Variants in HROB observed in about 807,000 individuals in gnomAD.
The protein encoded by HROB is homologous recombination OB-fold protein.
A neutral mutation model predicts 61.0 loss-of-function variants in HROB; 44 were observed. The ratio of observed to expected loss-of-function variants is 0.72; its 90% CI spans 0.57 to 0.93. The LOEUF (loss-of-function observed/expected upper bound fraction) is 0.93. Among genes scored for constraint, HROB ranks in the 40% least tolerant of loss-of-function variants. The probability of loss-of-function intolerance (pLI) is 0.00; values close to 1 mark genes in which losing one functional copy is unlikely to be tolerated. For missense variants in HROB, 716 were observed against 796.2 expected (o/e 0.90, Z 1.21); for synonymous variants, 301 against 310.4 (o/e 0.97, Z 0.32).
intron 8 of HROB, among the ~76,000 whole-genome samples, chr17:44,157,088 G>A (rs1488976464): frequency 1.3e-5 from 2 of 152,032 alleles, no homozygotes; most frequent in African/African-American, 4.8e-5. Flanking sequence ...ATCAGCCACC[G>A]TGCCTGGCCT....
At chr17:44,143,489 A>G (rs1276704598) in intron 1 of HROB, among the ~76,000 whole-genome samples, 2 of 151,746 alleles carry the variant, frequency 1.3e-5, no homozygotes, top group Non-Finnish European at 2.9e-5. Context: ...TAAAAATACA[A>G]AAAAAAATAG....
At chr17:44,142,732 T>C (rs1429921202) in intron 1 of HROB, among the ~76,000 whole-genome samples, 1 of 152,088 alleles carries the variant, frequency 6.6e-6, no homozygotes, top group African/African-American at 2.4e-5. Flanking sequence ...GACTGGGGCA[T>C]CCTACTCTCC....
At chr17:44,156,548 A>G (rs2053974325) in intron 8 of HROB, among the ~76,000 whole-genome samples, 1 of 152,104 alleles carries the variant, frequency 6.6e-6, no homozygotes, top group South Asian at 2.1e-4. Flanking sequence ...ATTTCAAATT[A>G]TCTATACTTA....
At chr17:44,151,799 T>A (rs1404674497) in intron 4 of HROB, among the ~76,000 whole-genome samples, 1 of 151,962 alleles carries the variant, frequency 6.6e-6, no homozygotes, top group Non-Finnish European at 1.5e-5. Flanking sequence ...AGTCAGGAGC[T>A]GATTTTATTT....
chr17:44,142,190 C>G, intron 1 of HROB, 45 bp downstream of exon 1: 2 of 1,490,134 alleles, frequency 1.3e-6, no homozygotes, highest in South Asian at 1.3e-5. Context: ...GCAGGGCCCC[C>G]TGGCCTCCGG....
intron 1 of HROB, among the ~76,000 whole-genome samples, chr17:44,142,961 G>A (rs2053499566): frequency 1.3e-5 from 2 of 151,592 alleles, no homozygotes; most frequent in Non-Finnish European, 2.9e-5. Flanking sequence ...TTTTGAGACA[G>A]AGTCTCACTC....
intron 5 of HROB, among the ~76,000 whole-genome samples, chr17:44,153,787 C>T (rs1006408795): frequency 7.2e-5 from 11 of 151,760 alleles, no homozygotes; most frequent in Non-Finnish European, 1.5e-4. Flanking sequence ...GGGTGGGTCA[C>T]GCCTGTAATC....
At chr17:44,147,048 T>TGTGAGA (rs141060194) in intron 2 of HROB, among the ~76,000 whole-genome samples, 56 of 149,310 alleles carry the variant, frequency 3.8e-4, no homozygotes, top group African/African-American at 8.7e-4. Context: ...TGTGTGTGTG[T>TGTGAGA]GAGAGAGAGA....
intron 4 of HROB, 59 bp from the exon 5 acceptor site, chr17:44,152,578 A>C: frequency 6.4e-7 from 1 of 1,569,408 alleles, no homozygotes; most frequent in Non-Finnish European, 8.7e-7. Context: ...GTTTCAATCA[A>C]GAGTCTGTAG....
At chr17:44,143,598 C>T (rs1210389954) in intron 1 of HROB, among the ~76,000 whole-genome samples, 15 of 151,620 alleles carry the variant, frequency 9.9e-5, no homozygotes, top group Admixed American at 2.0e-4. Flanking sequence ...GAGCCAAAAT[C>T]GTGCCGCTGG....
intron 2 of HROB, among the ~76,000 whole-genome samples, chr17:44,145,959 C>A (rs1262344152): frequency 6.6e-6 from 1 of 152,160 alleles, no homozygotes; most frequent in Non-Finnish European, 1.5e-5. Flanking sequence ...CTGCACAGAT[C>A]ATCCCATCAC....
At chr17:44,158,648 ATTTT>A (rs34904275) in intron 9 of HROB, among the ~76,000 whole-genome samples, 3 of 143,162 alleles carry the variant, frequency 2.1e-5, no homozygotes, top group African/African-American at 5.2e-5. Context: ...ATGCCCAGCA[ATTTT>A]TTTTTTTTTT....
At position 44,151,053 on chromosome 17, in the gene HROB, T is replaced by A; in HGVS notation, c.1308+9T>A. 1 of 1,605,052 alleles carries A rather than the reference T, an allele frequency of 6.2e-7. No homozygotes were observed. The stretch of plus-strand genomic sequence containing the variant: ...CTAAATTCCAGACAGAGGTAACTTA[T>A]GCAAATGTTAACTTTCTGGGTGTGA... On this transcript the variant is annotated intron_variant, in intron 4 of 9. Transcript: ENST00000585683.
chr17:44,154,673 T>C lies in HROB; in HGVS notation c.1558+9T>C, dbSNP rs370393413. ...TTTCAAGGACCCCACGGGTAAGGAA[T>C]TAGGTCCTAGGTTGTCTGGTGAGTG... On this transcript the variant is annotated intron_variant, in intron 6 of 9. Transcript: ENST00000585683. 1 of 1,613,492 alleles carries C rather than the reference T, an allele frequency of 6.2e-7. No homozygotes were observed. Among genetic ancestry groups the C allele is most frequent in the African/African-American group, 1.3e-5 (1 of 74,876 alleles).
At chr17:44,155,097 G>A (rs1474436796) in intron 7 of HROB, among the ~76,000 whole-genome samples, 159 bp downstream of exon 7, 1 of 152,210 alleles carries the variant, frequency 6.6e-6, no homozygotes, top group African/African-American at 2.4e-5. Context: ...TGGCCCTTGA[G>A]CTGGCCCCCA....
chr17:44,148,371 C>G lies in HROB; in HGVS notation c.568C>G (p.Gln190Glu). The change falls in exon 3 of 10, where the codon CAG becomes GAG. Residue 190 changes from glutamine to glutamate, a missense_variant. Gln to Glu is a conservative substitution (Grantham distance 29). Coordinates refer to ENST00000585683, the MANE Select transcript of HROB (RefSeq NM_001171251.3). ...SEAIPILPAQ[Q>E]REGSVLAKKA... is the part of the protein sequence containing the mutation. ...GGCCATACCAATCCTGCCTGCCCAG[C>G]AGCGGGAGGGTTCAGTATTGGCTAA... 1 of 1,614,130 alleles carries G rather than the reference C, an allele frequency of 6.2e-7. No individual in the cohort carries two copies. The highest frequency in any genetic ancestry group is 2.2e-5 in the East Asian group (1 of 44,888).
In HROB at chr17:44,148,072, A is replaced by T; in HGVS notation, c.269A>T (p.Asp90Val). The T allele has an allele frequency of 6.2e-7, 1 of 1,614,180 alleles. No individual in the cohort carries two copies. The highest frequency in any genetic ancestry group is 8.5e-7 in the Non-Finnish European group (1 of 1,180,034). The change falls in exon 3 of 10, where the codon GAC (aspartate) becomes GTC (valine). Residue 90 changes from aspartate (D) to valine (V), a missense_variant. Asp to Val is a radical substitution (Grantham distance 152, BLOSUM62 -3). Coordinates refer to ENST00000585683, the MANE Select transcript of HROB (RefSeq NM_001171251.3). Reference protein sequence around the residue: ...CLPASSTPSADSRPSCIGAAP... With the variant: ...CLPASSTPSAVSRPSCIGAAP... ...CCTGCCTCCAGCACGCCCAGTGCTG[A>T]CAGCCGTCCATCATGCATAGGAGCA... is the stretch of plus-strand genomic sequence containing the variant.
chr17:44,147,514 GC>G (rs1480029176), intron 2 of HROB, among the ~76,000 whole-genome samples: 18 of 143,822 alleles, frequency 1.3e-4, no homozygotes, highest in Admixed American at 2.2e-4. Flanking sequence ...TCAGCTCACT[GC>G]CAACCTCTGC....
intron 7 of HROB, 78 bp from the exon 8 acceptor site, chr17:44,155,208 G>A: frequency 6.3e-7 from 1 of 1,583,428 alleles, no homozygotes; most frequent in South Asian, 1.2e-5. Context: ...CAAGTGAAAG[G>A]CAGGTGGGAG....
Sources: gnomAD v4.1 joint callset for allele counts (sites outside exome capture counted in the v4.1 genomes callset) on GRCh38, gnomAD v4.1.1 for gene constraint, MANE v1.5 for transcripts, NCBI Gene and HGNC (gene_info 2026-07-23, HGNC 2026-07-21) for gene names.